The following NELL2 variants were observed in gnomAD, a reference collection of about 807,000 sequenced individuals.
NELL2 encodes the protein neural EGFL like 2, also known as protein kinase C-binding protein NELL2.
Under a neutral mutation model 109.6 loss-of-function variants are expected in NELL2, and 41 were observed. The ratio of observed to expected loss-of-function variants is 0.37; its 90% CI spans 0.29 to 0.49. The LOEUF is 0.49. Ranked by LOEUF, NELL2 falls within the 20% of genes least tolerant of loss-of-function variation. The pLI is 0.98. For synonymous variants in NELL2, 355 were observed against 344.7 expected (o/e 1.03, Z -0.33); for missense variants, 900 against 1,008.3 (o/e 0.89, Z 1.45).
At chr12:44,740,652 GA>G (rs796170424) in intron 9 of NELL2, among the ~76,000 whole-genome samples, 5 of 150,528 alleles carry the variant, frequency 3.3e-5, no homozygotes, top group East Asian at 3.9e-4. Flanking sequence ...ATTCAAGAGG[GA>G]AAAAAAAAGA....
intron 15 of NELL2, among the ~76,000 whole-genome samples, chr12:44,565,560 G>T (rs1396013210): frequency 1.3e-5 from 2 of 152,138 alleles, no homozygotes; most frequent in African/African-American, 4.8e-5. Context: ...CTTTTAGATT[G>T]AGGGAAGAGC....
chr12:44,661,704 C>T (rs1947748034), intron 13 of NELL2, among the ~76,000 whole-genome samples: 1 of 152,110 alleles, frequency 6.6e-6, no homozygotes, highest in Non-Finnish European at 1.5e-5. Context: ...CAAAAAAAGC[C>T]ATTCGTCCAT....
At chr12:44,509,048 A>T in intron 19 of NELL2, 64 bp from the exon 20 acceptor site, 7 of 1,327,168 alleles carry the variant, frequency 5.3e-6, no homozygotes, top group Admixed American at 1.8e-5. Context: ...AAATGATCAC[A>T]TTTATTGATT....
intron 12 of NELL2, among the ~76,000 whole-genome samples, chr12:44,671,693 C>A (rs1006315508): frequency 1.3e-5 from 2 of 152,080 alleles, no homozygotes; most frequent in African/African-American, 4.8e-5. Flanking sequence ...TGGACACATA[C>A]AACCTACCAA....
intron 3 of NELL2, among the ~76,000 whole-genome samples, chr12:44,814,193 C>T (rs537178575): frequency 1.4e-4 from 21 of 152,106 alleles, no homozygotes; most frequent in African/African-American, 4.8e-4. Flanking sequence ...GAGACAGGAG[C>T]AGTAAGAAAG....
intron 9 of NELL2, among the ~76,000 whole-genome samples, chr12:44,737,515 C>T (rs945188706): frequency 6.6e-6 from 1 of 151,826 alleles, no homozygotes; most frequent in Admixed American, 6.6e-5. Context: ...TATTTTAATT[C>T]GAAATCATTT....
In NELL2 at chr12:44,886,147, GAA is replaced by G. The variant is rs1160150869; in HGVS notation, c.39-10249_39-10248del. Among the ~76,000 whole-genome samples the G allele has an allele frequency of 3.2e-3, 466 of 146,450 alleles. 5 individuals are homozygous for G. Among genetic ancestry groups the G allele is most frequent in the East Asian group, 0.022 (105 of 4,842 alleles). On this transcript the variant is annotated intron_variant, in intron 1 of 20. Coordinates refer to the NELL2 transcript ENST00000333837. ...AGGAAGGAAGGAAGGAAGGAAGGAA[GAA>G]AGGGAGAGAATCCTCATCTTATCTT...
rs957336793 is a variant in NELL2 at position 44,897,721 on chromosome 12, GT to G, written c.38+16077del. Reference sequence around the variant, plus strand: ...TTGGGCAGACACTGAGCTAGCTGCAGTTTTTTTTCATACCCCAGTGGTGCCT... The same window carrying G: ...TTGGGCAGACACTGAGCTAGCTGCAGTTTTTTTCATACCCCAGTGGTGCCT... On this transcript the variant is annotated intron_variant, in intron 1 of 20. Transcript: ENST00000333837. Among the ~76,000 whole-genome samples the G allele has an allele frequency of 7.9e-5, 12 of 152,062 alleles. No homozygotes were observed. In the South Asian group the frequency reaches 2.1e-3, roughly 26 times the overall value.
intron 15 of NELL2, among the ~76,000 whole-genome samples, chr12:44,592,265 T>C (rs1944780722): frequency 6.6e-6 from 1 of 152,206 alleles, no homozygotes; most frequent in African/African-American, 2.4e-5. Flanking sequence ...ATTAGCACAA[T>C]GTTTGGCATG....
chr12:44,517,386 TC>T (rs1941322079), intron 19 of NELL2, among the ~76,000 whole-genome samples: 2 of 137,040 alleles, frequency 1.5e-5, no homozygotes, highest in Non-Finnish European at 3.1e-5. Context: ...TCTCTCTCTC[TC>T]TCTCTCTCTC....
chr12:44,648,990 TCCTGAACTCAGGCAATCCGC>T (rs1947205184), intron 13 of NELL2, among the ~76,000 whole-genome samples: 1 of 149,976 alleles, frequency 6.7e-6, no homozygotes, highest in Non-Finnish European at 1.5e-5. Flanking sequence ...GGTTTCGAAC[TCCTGAACTCAGGCAATCCGC>T]CCACCTTGGC....
chr12:44,552,415 T>G (rs538560421), intron 15 of NELL2, among the ~76,000 whole-genome samples: 3 of 151,260 alleles, frequency 2.0e-5, no homozygotes, highest in South Asian at 4.1e-4. Context: ...TCACATATTT[T>G]CTTTAAAATA....
chr12:44,822,956 CAG>C (rs140625512), intron 2 of NELL2, among the ~76,000 whole-genome samples: 105 of 148,714 alleles, frequency 7.1e-4, no homozygotes, highest in Non-Finnish European at 7.6e-4. Flanking sequence ...GAGGAGGAGA[CAG>C]AGAGAGAGAG....
intron 2 of NELL2, among the ~76,000 whole-genome samples, chr12:44,850,670 G>C (rs1592652024): frequency 6.6e-6 from 1 of 152,186 alleles, no homozygotes; most frequent in South Asian, 2.1e-4. Context: ...GTAAGTTTAT[G>C]AAACTAAAGC....
chr12:44,692,489 A>G (rs1948932877), intron 12 of NELL2, among the ~76,000 whole-genome samples: 1 of 152,166 alleles, frequency 6.6e-6, no homozygotes, highest in Non-Finnish European at 1.5e-5. Flanking sequence ...TCAAGGAGTC[A>G]TTTAGACTTT....
At chr12:44,914,874 G>C (rs1945815638), upstream of NELL2, among the ~76,000 whole-genome samples, 1 of 150,646 alleles carries the variant, frequency 6.6e-6, no homozygotes, top group South Asian at 2.1e-4. Flanking sequence ...TTTTGAGACA[G>C]AGTCTCCATC....
intron 13 of NELL2, among the ~76,000 whole-genome samples, chr12:44,622,403 A>AAAAT (rs1371141529): frequency 6.6e-6 from 1 of 152,132 alleles, no homozygotes; most frequent in Non-Finnish European, 1.5e-5. Context: ...TAAGCTAGTG[A>AAAAT]AAATCTCTGC....
chr12:44,896,385 T>C (rs1945592902), intron 1 of NELL2, among the ~76,000 whole-genome samples: 1 of 152,220 alleles, frequency 6.6e-6, no homozygotes, highest in African/African-American at 2.4e-5. Flanking sequence ...TCTCCAACTA[T>C]TAGTTAAGTG....
At chr12:44,531,400 C>A (rs1942046750) in intron 16 of NELL2, among the ~76,000 whole-genome samples, 1 of 152,152 alleles carries the variant, frequency 6.6e-6, no homozygotes, top group Admixed American at 6.5e-5. Context: ...TGGTTCCTGG[C>A]ATTCTCTCCA....
Sources: allele counts gnomAD v4.1 joint callset (sites outside exome capture counted in the v4.1 genomes callset), GRCh38; gene constraint gnomAD v4.1.1; transcripts MANE v1.5; gene names NCBI Gene and HGNC (gene_info 2026-07-23, HGNC 2026-07-21).